Variants in DLGAP1 observed in about 807,000 individuals in gnomAD.
DLGAP1 encodes disks large-associated protein 1.
Under a neutral mutation model 90.8 loss-of-function variants are expected in DLGAP1, and 11 were observed. The ratio of observed to expected loss-of-function variants is 0.12; its 90% CI spans 0.08 to 0.20. The LOEUF (loss-of-function observed/expected upper bound fraction) is 0.20. Ranked by LOEUF, DLGAP1 falls within the 10% of genes least tolerant of loss-of-function variation. The pLI is 1.00. For synonymous variants in DLGAP1, 558 were observed against 540.7 expected, an observed-to-expected ratio of 1.03 and a Z score of -0.44; for missense variants, 1,050 against 1,333.8, an observed-to-expected ratio of 0.79 and a Z score of 3.31.
At chr18:4,408,351 G>C (rs2082708333) in intron 1 of DLGAP1, among the ~76,000 whole-genome samples, 1 of 152,076 alleles carries the variant, frequency 6.6e-6, no homozygotes, top group Non-Finnish European at 1.5e-5. Context: ...TAAAATAGTA[G>C]GCAGTTCACT....
intron 10 of DLGAP1, among the ~76,000 whole-genome samples, chr18:3,530,823 A>G (rs562402430): frequency 3.3e-5 from 5 of 152,320 alleles, no homozygotes; most frequent in African/African-American, 1.2e-4. Flanking sequence ...GTTTGCACTC[A>G]TAATATGAAG....
At chr18:3,860,098 C>CAAAAAAAAAAAAAAAAAAA (rs1169488386) in intron 4 of DLGAP1, among the ~76,000 whole-genome samples, 38 of 104,842 alleles carry the variant, frequency 3.6e-4, no homozygotes, top group African/African-American at 1.6e-3. Context: ...GACTCTGTCT[C>CAAAAAAAAAAAAAAAAAAA]AAAAAATAAA....
chr18:4,309,705 C>T (rs2080351110), intron 1 of DLGAP1, among the ~76,000 whole-genome samples: 1 of 152,122 alleles, frequency 6.6e-6, no homozygotes, highest in South Asian at 2.1e-4. Context: ...CTTCGGATTT[C>T]TAGGAATGAG....
intron 4 of DLGAP1, among the ~76,000 whole-genome samples, chr18:3,836,503 C>T (rs1250177134): frequency 2.6e-5 from 4 of 152,006 alleles, no homozygotes; most frequent in African/African-American, 7.3e-5. Context: ...CAAATGTTTT[C>T]CTCACCCTGA....
intron 6 of DLGAP1, among the ~76,000 whole-genome samples, chr18:3,738,197 GC>G (rs1430502522): frequency 6.7e-6 from 1 of 149,308 alleles, no homozygotes; most frequent in Non-Finnish European, 1.5e-5. Flanking sequence ...TGGCCATACT[GC>G]CCAAGGTAAT....
chr18:4,337,903 G>T (rs1225647057), intron 1 of DLGAP1, among the ~76,000 whole-genome samples: 1 of 151,952 alleles, frequency 6.6e-6, no homozygotes, highest in African/African-American at 2.4e-5. Context: ...CTTTGTCAGG[G>T]GTCATTTTTT....
At chr18:4,269,287 A>C (rs968267744) in intron 1 of DLGAP1, among the ~76,000 whole-genome samples, 2 of 149,002 alleles carry the variant, frequency 1.3e-5, no homozygotes, top group South Asian at 4.2e-4. Context: ...TTGGAAAACT[A>C]TCACAATACC....
At chr18:4,335,624 G>A in intron 1 of DLGAP1, among the ~76,000 whole-genome samples, 1 of 149,684 alleles carries the variant, frequency 6.7e-6, no homozygotes, top group African/African-American at 2.6e-5. Flanking sequence ...AGGAAACAAG[G>A]TCCTCTTTCA....
chr18:4,076,872 C>T (rs1271847531), intron 2 of DLGAP1, among the ~76,000 whole-genome samples: 1 of 152,170 alleles, frequency 6.6e-6, no homozygotes, highest in Non-Finnish European at 1.5e-5. Context: ...GATCCACCTG[C>T]CTCGGCCTCC....
At chr18:4,263,229 G>A (rs2079037750) in intron 1 of DLGAP1, among the ~76,000 whole-genome samples, 1 of 152,172 alleles carries the variant, frequency 6.6e-6, no homozygotes, top group African/African-American at 2.4e-5. Context: ...ACCGTACCGG[G>A]CCTGCCTTCT....
chr18:3,883,692 A>G (rs1474330529), intron 3 of DLGAP1, among the ~76,000 whole-genome samples: 1 of 152,236 alleles, frequency 6.6e-6, no homozygotes, highest in Non-Finnish European at 1.5e-5. Flanking sequence ...TAATGAAAAC[A>G]TGACTGTGTG....
At chr18:4,262,701 ACCCAGACTCCC>A (rs2079026476) in intron 1 of DLGAP1, among the ~76,000 whole-genome samples, 1 of 152,142 alleles carries the variant, frequency 6.6e-6, no homozygotes, top group South Asian at 2.1e-4. Flanking sequence ...CACTCTCTGT[ACCCAGACTCCC>A]TGGGTTTGAA....
At chr18:4,374,193 G>C (rs1241425792) in intron 1 of DLGAP1, among the ~76,000 whole-genome samples, 2 of 152,044 alleles carry the variant, frequency 1.3e-5, no homozygotes, top group African/African-American at 4.8e-5. Context: ...GCTGGCCACT[G>C]ACCACATATC....
At chr18:4,305,142 G>A (rs2080218309) in intron 1 of DLGAP1, among the ~76,000 whole-genome samples, 1 of 152,110 alleles carries the variant, frequency 6.6e-6, no homozygotes, top group East Asian at 1.9e-4. Flanking sequence ...CAGACCCTGA[G>A]TTCAAAACTC....
intron 4 of DLGAP1, among the ~76,000 whole-genome samples, chr18:3,824,758 C>G (rs2067617133): frequency 6.6e-6 from 1 of 152,162 alleles, no homozygotes. Flanking sequence ...CCCACTGCAT[C>G]TTGGGGCTGT....
At chr18:3,735,536 A>G (rs1452290757) in intron 6 of DLGAP1, among the ~76,000 whole-genome samples, 6 of 152,158 alleles carry the variant, frequency 3.9e-5, no homozygotes, top group Non-Finnish European at 8.8e-5. Context: ...AATTCATATT[A>G]TATGTCTAGG....
intron 8 of DLGAP1, among the ~76,000 whole-genome samples, chr18:3,578,844 A>C (rs2055319410): frequency 1.3e-5 from 2 of 152,162 alleles, no homozygotes; most frequent in South Asian, 4.1e-4. Flanking sequence ...TGGATGAGTC[A>C]AATGAGAGTC....
intron 5 of DLGAP1, among the ~76,000 whole-genome samples, chr18:3,785,818 C>T (rs1270325422): frequency 6.6e-6 from 1 of 152,172 alleles, no homozygotes; most frequent in African/African-American, 2.4e-5. Flanking sequence ...CGCCCTATGC[C>T]TTAGGAGAAA....
chr18:3,978,128 A>C (rs1443942832), intron 3 of DLGAP1: 16 of 450,204 alleles, frequency 3.6e-5, no homozygotes, highest in Non-Finnish European at 4.0e-5. Flanking sequence ...CCACGATTCC[A>C]AAGTTGTCAT....
Sources: allele counts gnomAD v4.1 joint callset (sites outside exome capture counted in the v4.1 genomes callset), GRCh38; gene constraint gnomAD v4.1.1; transcripts MANE v1.5; gene names NCBI Gene and HGNC (gene_info 2026-07-23, HGNC 2026-07-21).